Variants in KCNT2 observed in about 807,000 individuals in gnomAD.
KCNT2 encodes potassium sodium-activated channel subfamily T member 2, also known as potassium channel subfamily T member 2.
In KCNT2, 67 loss-of-function variants were observed where a neutral mutation model predicts 153.8. The ratio of observed to expected loss-of-function variants is 0.44; its 90% CI spans 0.36 to 0.53. KCNT2 has a LOEUF of 0.53. Among genes scored for constraint, KCNT2 ranks in the 20% least tolerant of loss-of-function variants. The pLI, the probability that KCNT2 is intolerant of heterozygous loss-of-function variation, is 0.00. For missense variants in KCNT2, 975 were observed against 1,354.8 expected, an observed-to-expected ratio of 0.72 and a Z score of 4.40; for synonymous variants, 500 against 458.8, an observed-to-expected ratio of 1.09 and a Z score of -1.15.
chr1:196,402,118 T>G (rs1671464810), intron 12 of KCNT2, among the ~76,000 whole-genome samples: 1 of 151,506 alleles, frequency 6.6e-6, no homozygotes, highest in Non-Finnish European at 1.5e-5. Context: ...TAAAGAAATG[T>G]ACTTTCCTTA....
At chr1:196,599,348 G>C (rs1021650604) in intron 1 of KCNT2, among the ~76,000 whole-genome samples, 2 of 152,184 alleles carry the variant, frequency 1.3e-5, no homozygotes, top group Non-Finnish European at 1.5e-5. Flanking sequence ...GGCTAAGTGT[G>C]CCCTTGTAAT....
chr1:196,283,508 CCTGGGGTGACAGTGCATCTCT>C (rs773235345), intron 23 of KCNT2, among the ~76,000 whole-genome samples: 1 of 151,810 alleles, frequency 6.6e-6, no homozygotes, highest in Non-Finnish European at 1.5e-5. Flanking sequence ...ATTGCATTTC[CCTGGGGTGACAGTGCATCTCT>C]TATATTATTG....
chr1:196,502,774 G>A (rs1293527058), intron 1 of KCNT2, among the ~76,000 whole-genome samples: 3 of 152,040 alleles, frequency 2.0e-5, no homozygotes, highest in African/African-American at 4.8e-5. Flanking sequence ...TATGTTCAAT[G>A]TTCATTTGCT....
intron 12 of KCNT2, among the ~76,000 whole-genome samples, chr1:196,399,915 C>T (rs149692898): frequency 1.7e-4 from 26 of 151,960 alleles, no homozygotes; most frequent in Non-Finnish European, 2.2e-4. Context: ...GACATTGAGT[C>T]AGCTGGCTCC....
chr1:196,477,072 C>T (rs1040188976), intron 5 of KCNT2, among the ~76,000 whole-genome samples: 3 of 151,956 alleles, frequency 2.0e-5, no homozygotes, highest in African/African-American at 7.3e-5. Context: ...ATCAATCCAC[C>T]TATATTTTTT....
intron 1 of KCNT2, among the ~76,000 whole-genome samples, chr1:196,583,736 C>T (rs1662335237): frequency 6.6e-6 from 1 of 151,684 alleles, no homozygotes; most frequent in Non-Finnish European, 1.5e-5. Flanking sequence ...GTTCATTGGA[C>T]CTGGCATGAA....
intron 1 of KCNT2, among the ~76,000 whole-genome samples, chr1:196,508,418 G>A (rs750862486): frequency 2.0e-5 from 3 of 151,966 alleles, no homozygotes; most frequent in Non-Finnish European, 4.4e-5. Flanking sequence ...AGGAAGATAA[G>A]AGTATAAACC....
At chr1:196,237,003 G>T (rs1158727323) in intron 26 of KCNT2, among the ~76,000 whole-genome samples, 1 of 151,700 alleles carries the variant, frequency 6.6e-6, no homozygotes, top group Non-Finnish European at 1.5e-5. Context: ...CACTGCAGTT[G>T]CAGACAAGAA....
rs180851143 is a variant in KCNT2 at position 196,355,095 on chromosome 1, C to T, written c.1404-12867G>A. 2.6e-5 allele frequency among the ~76,000 whole-genome samples: 4 copies of T among 151,574 alleles called. No individual in the cohort carries two copies. The East Asian group carries it at 7.8e-4, about 29-fold the overall frequency. On this transcript the variant is annotated intron_variant, in intron 14 of 27. Coordinates refer to ENST00000294725, the MANE Select transcript of KCNT2 (RefSeq NM_198503.5). ...AAAACAGATGAGTTTACAAAATAAA[C>T]AGCTAACACATAACTATGTATTATA...
At chr1:196,253,068 G>A (rs74467392) in intron 26 of KCNT2, among the ~76,000 whole-genome samples, 11 of 150,936 alleles carry the variant, frequency 7.3e-5, no homozygotes, top group Non-Finnish European at 1.6e-4. Flanking sequence ...TATTGCTTGG[G>A]TTTCAATGAG....
intron 17 of KCNT2, among the ~76,000 whole-genome samples, chr1:196,332,787 T>A (rs1263804246): frequency 6.9e-6 from 1 of 145,306 alleles, no homozygotes; most frequent in Non-Finnish European, 1.5e-5. Context: ...ATTGGCTAGT[T>A]TTTTTTTTTT....
Position 196,241,157 on chromosome 1 carries a change from G to T in KCNT2, c.3212-5087C>A, listed in dbSNP as rs150786747. Among the ~76,000 whole-genome samples the T allele has an allele frequency of 1.1e-3, 173 of 152,108 alleles. 1 individual carries two copies. Among genetic ancestry groups the T allele is most frequent in the African/African-American group, 3.6e-3 (148 of 41,536 alleles). On this transcript the variant is annotated intron_variant, in intron 26 of 27. Transcript: ENST00000294725. The stretch of plus-strand genomic sequence containing the variant: ...TGCCAATGGGAGAAAATAAGTAAAA[G>T]AAATAGGTGCTATATGAGAAAGAGG...
intron 13 of KCNT2, among the ~76,000 whole-genome samples, chr1:196,397,330 T>C (rs1397403821): frequency 1.3e-5 from 2 of 151,594 alleles, no homozygotes. Flanking sequence ...AAGGTCTTTT[T>C]AATAAAAAGT....
At chr1:196,433,111 A>T (rs1014335614) in intron 8 of KCNT2, among the ~76,000 whole-genome samples, 2 of 152,082 alleles carry the variant, frequency 1.3e-5, no homozygotes, top group South Asian at 4.1e-4. Context: ...AGGATGCAAT[A>T]GTAAAGCCCC....
intron 1 of KCNT2, among the ~76,000 whole-genome samples, chr1:196,547,856 T>G (rs1484151078): frequency 6.6e-6 from 1 of 151,796 alleles, no homozygotes; most frequent in East Asian, 1.9e-4. Context: ...TTCATAAAAT[T>G]ATAGATTAGA....
intron 14 of KCNT2, among the ~76,000 whole-genome samples, chr1:196,355,418 A>G (rs925929574): frequency 1.8e-4 from 28 of 151,798 alleles, no homozygotes; most frequent in African/African-American, 6.5e-4. Flanking sequence ...TGCCATTTTC[A>G]GGATAAGAAA....
intron 19 of KCNT2, among the ~76,000 whole-genome samples, chr1:196,319,879 C>T (rs1450016264): frequency 6.6e-6 from 1 of 151,538 alleles, no homozygotes; most frequent in Non-Finnish European, 1.5e-5. Flanking sequence ...AAAAGTTATC[C>T]ATGCACAGGA....
At chr1:196,531,537 G>A (rs908995193) in intron 1 of KCNT2, among the ~76,000 whole-genome samples, 1 of 152,056 alleles carries the variant, frequency 6.6e-6, no homozygotes, top group African/African-American at 2.4e-5. Flanking sequence ...ACTTAATATA[G>A]AACTCACGGG....
chr1:196,293,124 A>G (rs1197449842), intron 22 of KCNT2, among the ~76,000 whole-genome samples: 1 of 152,198 alleles, frequency 6.6e-6, no homozygotes, highest in Non-Finnish European at 1.5e-5. Flanking sequence ...ACTGTAGATG[A>G]CACAAATAAA....
Sources: allele counts gnomAD v4.1 joint callset (sites outside exome capture counted in the v4.1 genomes callset), GRCh38; gene constraint gnomAD v4.1.1; transcripts MANE v1.5; gene names NCBI Gene and HGNC (gene_info 2026-07-23, HGNC 2026-07-21).